Variants in MYO1D observed in about 807,000 individuals in gnomAD.
The protein encoded by MYO1D is myosin ID, also known as unconventional myosin-Id.
A neutral mutation model predicts 122.0 loss-of-function variants in MYO1D; 83 were observed. That is an observed-to-expected ratio of 0.68 (90% confidence interval 0.57 to 0.82). MYO1D has a LOEUF of 0.82. MYO1D is among the 40% of genes least tolerant of loss of function. The pLI is 0.00. For missense variants in MYO1D, 1,157 were observed against 1,269.5 expected (o/e 0.91, Z 1.35); for synonymous variants, 464 against 446.9 (o/e 1.04, Z -0.48).
At chr17:32,629,649 T>C (rs961585242) in intron 20 of MYO1D, among the ~76,000 whole-genome samples, 1 of 151,480 alleles carries the variant, frequency 6.6e-6, no homozygotes, top group African/African-American at 2.4e-5. Context: ...GAGAATTGCT[T>C]GAATCCGGGA....
chr17:32,598,344 A>G (rs2087522592), intron 21 of MYO1D, among the ~76,000 whole-genome samples: 1 of 152,234 alleles, frequency 6.6e-6, no homozygotes, highest in African/African-American at 2.4e-5. Context: ...ACTGCACTCC[A>G]GCCTGGGTGA....
chr17:32,770,475 G>A (rs986884262), intron 6 of MYO1D, among the ~76,000 whole-genome samples: 8 of 151,648 alleles, frequency 5.3e-5, no homozygotes, highest in African/African-American at 7.3e-5. Context: ...TCCCTCCTAC[G>A]AAATAGGATA....
Position 32,654,582 on chromosome 17 carries a change from T to G in MYO1D, c.2385A>C (p.Ser795=). 2 of 1,613,746 alleles carry G rather than the reference T, an allele frequency of 1.2e-6. No individual in the cohort carries two copies. The highest frequency in any genetic ancestry group is 2.2e-5 in the South Asian group (2 of 90,994). The part of the protein sequence containing the change: ...ASQLIKSIPA[S]DLPQVRAKVA... ...CCTTTGCCCTGACCTGGGGCAGGTC[T>G]GAGGCCGGAATGCTCTTGATGAGCT... The change falls in exon 18 of 22, where the codon TCA becomes TCC. Residue 795 remains serine (S), a synonymous_variant. Coordinates refer to ENST00000318217, the MANE Select transcript of MYO1D (RefSeq NM_015194.3).
intron 21 of MYO1D, among the ~76,000 whole-genome samples, chr17:32,519,511 C>A (rs1383995517): frequency 6.6e-6 from 1 of 151,980 alleles, no homozygotes; most frequent in Non-Finnish European, 1.5e-5. Flanking sequence ...TCGAGCGCGA[C>A]GCGGTCGCCA....
chr17:32,792,191 C>G (rs895773893), intron 1 of MYO1D, among the ~76,000 whole-genome samples: 1 of 152,080 alleles, frequency 6.6e-6, no homozygotes, highest in Non-Finnish European at 1.5e-5. Context: ...ATCTGTAGAA[C>G]GCACATCTAG....
At chr17:32,773,999 T>TC (rs1449472472) in intron 4 of MYO1D, among the ~76,000 whole-genome samples, 1 of 151,960 alleles carries the variant, frequency 6.6e-6, no homozygotes, top group African/African-American at 2.4e-5. Flanking sequence ...ACCTCTCCCC[T>TC]CCTCCCCAGG....
intron 21 of MYO1D, among the ~76,000 whole-genome samples, chr17:32,557,647 C>T (rs546331365): frequency 6.6e-6 from 1 of 151,924 alleles, no homozygotes; most frequent in African/African-American, 2.4e-5. Flanking sequence ...GCTGGGACTA[C>T]AGGAGCACGC....
At chr17:32,654,831 C>A (rs1374290500) in intron 17 of MYO1D, among the ~76,000 whole-genome samples, 5 of 152,246 alleles carry the variant, frequency 3.3e-5, no homozygotes, top group Non-Finnish European at 5.9e-5. Flanking sequence ...GTGTGTGCCA[C>A]CATGCCTGGT....
intron 20 of MYO1D, among the ~76,000 whole-genome samples, chr17:32,622,966 G>T (rs1001885956): frequency 6.6e-6 from 1 of 152,002 alleles, no homozygotes; most frequent in Non-Finnish European, 1.5e-5. Flanking sequence ...TTTTTCTTTT[G>T]TCCTTTACCA....
At chr17:32,506,251 A>G (rs1157344564) in intron 21 of MYO1D, among the ~76,000 whole-genome samples, 1 of 152,212 alleles carries the variant, frequency 6.6e-6, no homozygotes, top group African/African-American at 2.4e-5. Context: ...CCAAATACAC[A>G]TTCACTATAC....
chr17:32,585,146 CTCAT>C (rs904730420), intron 21 of MYO1D, among the ~76,000 whole-genome samples: 17 of 152,214 alleles, frequency 1.1e-4, no homozygotes, highest in African/African-American at 3.9e-4. Flanking sequence ...AAATTGTTCT[CTCAT>C]TTTTTTTTCT....
intron 21 of MYO1D, among the ~76,000 whole-genome samples, chr17:32,532,278 T>C (rs756786): frequency 0.042 from 6,394 of 152,358 alleles, 470 homozygotes; most frequent in African/African-American, 0.15. Flanking sequence ...TTTGAACTTC[T>C]ACACAAGTTT....
In MYO1D at chr17:32,527,931, C is replaced by G. The variant is rs186363499; in HGVS notation, c.2865-33016G>C. On this transcript the variant is annotated intron_variant, in intron 21 of 21. Coordinates refer to ENST00000318217, the MANE Select transcript of MYO1D (RefSeq NM_015194.3). ...TTGGCTCATTGCAATCTCTGCCTCT[C>G]GGGTTCAAGCAATTCTCCTGCCTCA... is the stretch of plus-strand genomic sequence containing the variant. Among the ~76,000 whole-genome samples the G allele has an allele frequency of 4.3e-3, 653 of 150,540 alleles. 6 individuals are homozygous for G. The highest frequency in any genetic ancestry group is 0.015 in the African/African-American group (600 of 40,934).
chr17:32,626,810 G>A (rs1234522574), intron 20 of MYO1D, among the ~76,000 whole-genome samples: 1 of 152,202 alleles, frequency 6.6e-6, no homozygotes, highest in Non-Finnish European at 1.5e-5. Flanking sequence ...AAAAAAGAGA[G>A]AGAATGTGGC....
At chr17:32,580,027 G>A (rs1000827635) in intron 21 of MYO1D, among the ~76,000 whole-genome samples, 3 of 152,036 alleles carry the variant, frequency 2.0e-5, no homozygotes, top group Non-Finnish European at 2.9e-5. Flanking sequence ...TGGAATATGT[G>A]GCAGGGATAT....
intron 21 of MYO1D, among the ~76,000 whole-genome samples, chr17:32,553,025 C>T (rs927204604): frequency 6.7e-6 from 1 of 149,596 alleles, no homozygotes; most frequent in Non-Finnish European, 1.5e-5. Context: ...CTGCTTGAGT[C>T]CAGGAGTTCA....
At chr17:32,802,607 A>C (rs1162899909) in intron 1 of MYO1D, among the ~76,000 whole-genome samples, 3 of 152,232 alleles carry the variant, frequency 2.0e-5, no homozygotes, top group Non-Finnish European at 4.4e-5. Flanking sequence ...TTTCACATTG[A>C]AACAATTTCA....
intron 14 of MYO1D, among the ~76,000 whole-genome samples, chr17:32,733,799 C>A (rs548002500): frequency 1.3e-5 from 2 of 152,086 alleles, no homozygotes; most frequent in African/African-American, 2.4e-5. Context: ...TCTTACTTTT[C>A]GTTAGTTCAT....
chr17:32,754,394 A>G (rs1020851923), intron 11 of MYO1D, among the ~76,000 whole-genome samples: 2 of 152,242 alleles, frequency 1.3e-5, no homozygotes, highest in Non-Finnish European at 2.9e-5. Flanking sequence ...CCCTAACATG[A>G]AAGAGCAGAC....
Sources: gnomAD v4.1 joint callset for allele counts (sites outside exome capture counted in the v4.1 genomes callset) on GRCh38, gnomAD v4.1.1 for gene constraint, MANE v1.5 for transcripts, NCBI Gene and HGNC (gene_info 2026-07-23, HGNC 2026-07-21) for gene names.